EPB41L4A: variants seen among roughly 807,000 people sequenced by gnomAD.
The protein encoded by EPB41L4A is band 4.1-like protein 4A.
EPB41L4A carries 100 observed loss-of-function variants against 108.6 expected under a neutral mutation model. The observed-to-expected ratio is 0.92, with a 90% confidence interval of 0.78 to 1.09. The LOEUF (loss-of-function observed/expected upper bound fraction) is 1.09. Ranked by LOEUF, EPB41L4A falls within the 50% of genes least tolerant of loss-of-function variation. The pLI, the probability that EPB41L4A is intolerant of heterozygous loss-of-function variation, is 0.00. For synonymous variants in EPB41L4A, 319 were observed against 289.0 expected, an observed-to-expected ratio of 1.10 and a Z score of -1.05; for missense variants, 1,030 against 842.7, an observed-to-expected ratio of 1.22 and a Z score of -2.75.
At chr5:112,418,239 T>G (rs574001560) in intron 1 of EPB41L4A, among the ~76,000 whole-genome samples, 6 of 152,224 alleles carry the variant, frequency 3.9e-5, no homozygotes, top group Non-Finnish European at 8.8e-5. Flanking sequence ...ACTACAAACA[T>G]ACGTACCTTC....
chr5:112,339,905 T>C (rs1012653293), intron 1 of EPB41L4A, among the ~76,000 whole-genome samples: 2 of 152,128 alleles, frequency 1.3e-5, no homozygotes, highest in Admixed American at 6.5e-5. Flanking sequence ...AAGAGACCTT[T>C]TAATTATTAA....
intron 1 of EPB41L4A, among the ~76,000 whole-genome samples, chr5:112,365,826 G>A (rs1225242548): frequency 6.6e-6 from 1 of 152,142 alleles, no homozygotes; most frequent in Non-Finnish European, 1.5e-5. Flanking sequence ...ATTGAGAGAT[G>A]CCCCTCAATT....
chr5:112,173,348 C>T (rs774535483), intron 18 of EPB41L4A, among the ~76,000 whole-genome samples: 3 of 152,116 alleles, frequency 2.0e-5, no homozygotes, highest in East Asian at 3.9e-4. Context: ...GGAGGACATA[C>T]ACCCCATGAT....
At chr5:112,365,121 T>A (rs1402852440) in intron 1 of EPB41L4A, among the ~76,000 whole-genome samples, 1 of 152,208 alleles carries the variant, frequency 6.6e-6, no homozygotes, top group Non-Finnish European at 1.5e-5. Context: ...GAATTATGAA[T>A]ATTCCAGACA....
intron 12 of EPB41L4A, among the ~76,000 whole-genome samples, chr5:112,216,665 A>G (rs1466974362): frequency 6.6e-6 from 1 of 152,230 alleles, no homozygotes; most frequent in Admixed American, 6.5e-5. Flanking sequence ...GCTATTCTCA[A>G]CACAGTAAGT....
chr5:112,204,453 G>A lies in EPB41L4A; in HGVS notation c.1298C>T (p.Ser433Leu), dbSNP rs730882207. 1.3e-5 allele frequency: 21 copies of A among 1,613,580 alleles called. No individual in the cohort carries two copies. The highest frequency in any genetic ancestry group is 5.3e-5 in the African/African-American group (4 of 74,978). Reference protein sequence around the residue: ...LYNSPSDRTKSPKFPYTRRRN... With the variant: ...LYNSPSDRTKLPKFPYTRRRN... ...GCGACGCGTGTAAGGGAACTTTGGCGACTTAGTGCGATCACTGGGAGAATT... is the reference window on the plus strand; with the variant it reads ...GCGACGCGTGTAAGGGAACTTTGGCAACTTAGTGCGATCACTGGGAGAATT... The change falls in exon 15 of 23, where the codon TCG becomes TTG. Residue 433 changes from serine (S) to leucine (L), a missense_variant. By Grantham distance (145) the Ser-to-Leu change is moderately radical. Transcript: ENST00000261486.
chr5:112,184,800 T>C (rs1761341309), intron 17 of EPB41L4A, among the ~76,000 whole-genome samples: 1 of 152,172 alleles, frequency 6.6e-6, no homozygotes, highest in South Asian at 2.1e-4. Flanking sequence ...CACAGGCACT[T>C]GACATGTAAG....
chr5:112,393,511 G>T (rs534913568), intron 1 of EPB41L4A, among the ~76,000 whole-genome samples: 2 of 152,194 alleles, frequency 1.3e-5, no homozygotes, highest in South Asian at 4.2e-4. Context: ...TAAATCCCTG[G>T]ACACATACAC....
intron 9 of EPB41L4A, chr5:112,250,489 G>T (rs1256994568): frequency 1.3e-5 from 2 of 152,064 alleles, no homozygotes; most frequent in South Asian, 4.1e-4. Context: ...TTTAATTTTT[G>T]TTTTAATGAT....
At chr5:112,249,824 G>T (rs1750528779) in intron 9 of EPB41L4A, among the ~76,000 whole-genome samples, 1 of 152,156 alleles carries the variant, frequency 6.6e-6, no homozygotes, top group Non-Finnish European at 1.5e-5. Flanking sequence ...AGATAAGTAT[G>T]GGAAACACTG....
chr5:112,325,167 C>A (rs965082797), intron 1 of EPB41L4A, among the ~76,000 whole-genome samples: 2 of 152,160 alleles, frequency 1.3e-5, no homozygotes, highest in Admixed American at 1.3e-4. Context: ...CAGGGCCGGG[C>A]GCGGTGGCTC....
intron 1 of EPB41L4A, among the ~76,000 whole-genome samples, chr5:112,383,570 A>T (rs1342397002): frequency 6.6e-6 from 1 of 152,184 alleles, no homozygotes; most frequent in Non-Finnish European, 1.5e-5. Context: ...TAATGGCAAA[A>T]ATTAAGTCTT....
At chr5:112,331,895 C>G (rs1756593429) in intron 1 of EPB41L4A, among the ~76,000 whole-genome samples, 2 of 152,186 alleles carry the variant, frequency 1.3e-5, no homozygotes, top group South Asian at 4.1e-4. Context: ...TGGGTTTTTT[C>G]AATGCTAATC....
intron 18 of EPB41L4A, among the ~76,000 whole-genome samples, chr5:112,183,068 T>C (rs1339696102): frequency 6.6e-6 from 1 of 152,108 alleles, no homozygotes; most frequent in Non-Finnish European, 1.5e-5. Context: ...CTGAGAAGTG[T>C]CCCTTAGTGT....
intron 1 of EPB41L4A, among the ~76,000 whole-genome samples, chr5:112,356,691 T>TG (rs1244017518): frequency 6.6e-6 from 1 of 152,210 alleles, no homozygotes; most frequent in Non-Finnish European, 1.5e-5. Context: ...GACTCTCATG[T>TG]GGGTCTATTG....
intron 12 of EPB41L4A, among the ~76,000 whole-genome samples, chr5:112,215,787 C>CA (rs145020974): frequency 0.056 from 7,266 of 128,754 alleles, 246 homozygotes; most frequent in Middle Eastern, 0.11. Context: ...ACAAAAAAAA[C>CA]AAAAAAAAAA....
chr5:112,266,184 A>G, intron 5 of EPB41L4A, 49 bp downstream of exon 5: 1 of 1,347,940 alleles, frequency 7.4e-7, no homozygotes, highest in Non-Finnish European at 1.0e-6. Context: ...AAAAATGCAA[A>G]TACTTTCTCC....
chr5:112,227,082 G>A (rs533388748), intron 12 of EPB41L4A, among the ~76,000 whole-genome samples: 1 of 151,864 alleles, frequency 6.6e-6, no homozygotes, highest in South Asian at 2.1e-4. Context: ...GCTCCCAACA[G>A]CTGCCCTGGG....
intron 4 of EPB41L4A, among the ~76,000 whole-genome samples, chr5:112,267,216 G>A (rs1751925476): frequency 6.6e-6 from 1 of 151,978 alleles, no homozygotes; most frequent in Admixed American, 6.6e-5. Context: ...TTACACATAT[G>A]CACACACACT....
Sources: allele counts gnomAD v4.1 joint callset (sites outside exome capture counted in the v4.1 genomes callset), GRCh38; gene constraint gnomAD v4.1.1; transcripts MANE v1.5; gene names NCBI Gene and HGNC (gene_info 2026-07-23, HGNC 2026-07-21).